ROCK2: variants seen among roughly 807,000 people sequenced by gnomAD.
ROCK2 encodes the protein rho-associated protein kinase 2.
In ROCK2, 61 loss-of-function variants were observed where a neutral mutation model predicts 195.1. The ratio of observed to expected loss-of-function variants is 0.31; its 90% CI spans 0.25 to 0.39. ROCK2 has a LOEUF of 0.39. ROCK2 is among the 10% of genes least tolerant of loss of function. The probability of loss-of-function intolerance (pLI) is 1.00; values close to 1 mark genes in which losing one functional copy is unlikely to be tolerated. For missense variants in ROCK2, 1,109 were observed against 1,637.4 expected (o/e 0.68, Z 5.57); for synonymous variants, 504 against 545.5 (o/e 0.92, Z 1.06).
At chr2:11,287,993 A>G (rs1667250880) in intron 1 of ROCK2, among the ~76,000 whole-genome samples, 1 of 152,316 alleles carries the variant, frequency 6.6e-6, no homozygotes, top group Non-Finnish European at 1.5e-5. Flanking sequence ...ACATGTATCT[A>G]TTATTATTTT....
At chr2:11,267,161 C>T (rs1666446519) in intron 3 of ROCK2, among the ~76,000 whole-genome samples, 1 of 152,152 alleles carries the variant, frequency 6.6e-6, no homozygotes, top group Admixed American at 6.5e-5. Flanking sequence ...AGAAACAATG[C>T]ATCTGTTTAA....
chr2:11,283,000 C>T (rs185944149), intron 3 of ROCK2, among the ~76,000 whole-genome samples: 1 of 152,292 alleles, frequency 6.6e-6, no homozygotes, highest in Admixed American at 6.5e-5. Context: ...GGCGTGGTGG[C>T]TCATGCCTAT....
At chr2:11,317,124 T>C (rs1262023777) in intron 1 of ROCK2, among the ~76,000 whole-genome samples, 3 of 152,092 alleles carry the variant, frequency 2.0e-5, no homozygotes, top group African/African-American at 7.2e-5. Flanking sequence ...AAAGCTTAAC[T>C]TTTCCTGCGA....
At chr2:11,314,275 T>A (rs531563002) in intron 1 of ROCK2, among the ~76,000 whole-genome samples, 1 of 151,702 alleles carries the variant, frequency 6.6e-6, no homozygotes, top group South Asian at 2.1e-4. Flanking sequence ...TGTTTTCTAA[T>A]TTGCTGCTCT....
intron 4 of ROCK2, among the ~76,000 whole-genome samples, chr2:11,240,884 G>A (rs192083631): frequency 4.5e-4 from 69 of 152,222 alleles, no homozygotes; most frequent in African/African-American, 1.6e-3. Context: ...AAACTTAAAT[G>A]TGCATGTTAA....
chr2:11,344,464 T>C lies in ROCK2; in HGVS notation c.-328A>G. The stretch of plus-strand genomic sequence containing the variant: ...GAGTCCTCGGGCGGGAGCAGGGAAG[T>C]GGCGCCGCCACCGCCGCGGCCCGGA... On this transcript the variant is annotated 5_prime_UTR_variant, in exon 1 of 33. Transcript: ENST00000315872. The surrounding 1 kb of genome is among the most constrained non-coding windows in gnomAD (Gnocchi z 5.4). 9.9e-7 allele frequency: 1 copy of C among 1,008,432 alleles called. No homozygotes were observed. 62.5% of individuals were successfully genotyped at this position (1,008,432 alleles called of 1,614,324 possible). A position where few individuals can be genotyped will look rare whatever the true frequency, so the allele number is the denominator to read the frequency against.
chr2:11,204,198 T>C (rs1178256733), intron 20 of ROCK2, among the ~76,000 whole-genome samples: 1 of 152,168 alleles, frequency 6.6e-6, no homozygotes, highest in Non-Finnish European at 1.5e-5. Context: ...TTTTAGATAT[T>C]ATTTGCCCAT....
At chr2:11,283,660 T>C (rs1195368475) in intron 3 of ROCK2, among the ~76,000 whole-genome samples, 1 of 151,958 alleles carries the variant, frequency 6.6e-6, no homozygotes, top group African/African-American at 2.4e-5. Context: ...CCACATCATA[T>C]GTCATCAGGG....
In ROCK2 at chr2:11,301,295, GGATACAA is replaced by G. The variant is rs764742061; in HGVS notation, c.142-13566_142-13560del. ...TATTCTCAAAAATTTTTCAATGATG[GGATACAA>G]GATTAAAACTTCAGAGGTCATAAAT... On this transcript the variant is annotated intron_variant, in intron 1 of 32. Transcript: ENST00000315872. Among the ~76,000 whole-genome samples the G allele has an allele frequency of 7.9e-4, 119 of 151,568 alleles. 1 individual carries two copies. Among genetic ancestry groups the G allele is most frequent in the Admixed American group, 3.0e-3 (45 of 15,222 alleles).
At chr2:11,326,072 A>G (rs1314058941) in intron 1 of ROCK2, among the ~76,000 whole-genome samples, 2 of 152,234 alleles carry the variant, frequency 1.3e-5, no homozygotes, top group Non-Finnish European at 2.9e-5. Context: ...GTTATCATTA[A>G]GTATCTGCAG....
intron 3 of ROCK2, among the ~76,000 whole-genome samples, chr2:11,272,141 C>T (rs1666657533): frequency 6.6e-6 from 1 of 151,744 alleles, no homozygotes; most frequent in South Asian, 2.1e-4. Flanking sequence ...GTTGTGTTTT[C>T]CCTAAACTGA....
intron 1 of ROCK2, among the ~76,000 whole-genome samples, chr2:11,309,121 G>A (rs1033191332): frequency 2.6e-5 from 4 of 150,980 alleles, no homozygotes; most frequent in Admixed American, 6.6e-5. Flanking sequence ...CATCACTGAT[G>A]TATAGGACTC....
chr2:11,194,723 A>T (rs988234984), intron 28 of ROCK2, among the ~76,000 whole-genome samples: 1 of 152,246 alleles, frequency 6.6e-6, no homozygotes, highest in African/African-American at 2.4e-5. Context: ...CAGCAAAAGT[A>T]TCAAAATCAA....
rs150306413 is a variant in ROCK2 at position 11,197,088 on chromosome 2, C to T, written c.3448+92G>A. On this transcript the variant is annotated intron_variant, in intron 27 of 32. Coordinates refer to ENST00000315872, the MANE Select transcript of ROCK2 (RefSeq NM_004850.5). The surrounding 1 kb of genome is among the most constrained non-coding windows in gnomAD (Gnocchi z 4.9). ...GGTTTTCCCTTAAAGAAATTACAAACATTTTTCCTTCAGAGCAGTCAGTCG... is the reference window on the plus strand; with the variant it reads ...GGTTTTCCCTTAAAGAAATTACAAATATTTTTCCTTCAGAGCAGTCAGTCG... 1.9e-3 allele frequency: 1,503 copies of T among 794,292 alleles called. 18 individuals carry two copies. The African/African-American group carries it at 0.025, about 13-fold the overall frequency. 49.2% of individuals were successfully genotyped at this position (794,292 alleles called of 1,614,324 possible).
chr2:11,312,830 G>A (rs1427361405), intron 1 of ROCK2, among the ~76,000 whole-genome samples: 1 of 151,994 alleles, frequency 6.6e-6, no homozygotes, highest in African/African-American at 2.4e-5. Context: ...AGACATGAAC[G>A]AAACTTAAAT....
chr2:11,203,574 C>T lies in ROCK2; in HGVS notation c.2550-1453G>A, dbSNP rs115547208. 8.9e-3 allele frequency among the ~76,000 whole-genome samples: 1,361 copies of T among 152,074 alleles called. 16 individuals carry two copies. Among genetic ancestry groups the T allele is most frequent in the African/African-American group, 0.031 (1,283 of 41,476 alleles). ...AATGCAGGAAGACTCAGAGGGAGCA[C>T]GTGATTTAACCCTAGTCTCTTCAGT... is the stretch of plus-strand genomic sequence containing the variant. On this transcript the variant is annotated intron_variant, in intron 20 of 32. Coordinates refer to ENST00000315872, the MANE Select transcript of ROCK2 (RefSeq NM_004850.5).
intron 18 of ROCK2, 117 bp downstream of exon 18, chr2:11,211,563 TC>T (rs1463051974): frequency 1.0e-6 from 1 of 978,298 alleles, no homozygotes; most frequent in Non-Finnish European, 1.4e-6. Flanking sequence ...TTTTTTTCCC[TC>T]CAATTCCCAA....
chr2:11,344,228 G>C lies in ROCK2; in HGVS notation c.-92C>G. 3 of 1,322,494 alleles carry C rather than the reference G, an allele frequency of 2.3e-6. No individual in the cohort carries two copies. The highest frequency in any genetic ancestry group is 3.2e-5 in the East Asian group (1 of 31,666). The allele number at this position is 1,322,494 out of a possible 1,614,324, so 81.9% of individuals were successfully genotyped here. A position where few individuals can be genotyped will look rare whatever the true frequency, so the allele number is the denominator to read the frequency against. Reference sequence around the variant, plus strand: ...CGCCCCCGAACCACCAGCTCCGGCCGGGACTCCACCCGGGCCCACCGCCTG... The same window carrying C: ...CGCCCCCGAACCACCAGCTCCGGCCCGGACTCCACCCGGGCCCACCGCCTG... On this transcript the variant is annotated 5_prime_UTR_variant, in exon 1 of 33. Coordinates refer to ENST00000315872, the MANE Select transcript of ROCK2 (RefSeq NM_004850.5). This position sits in a 1 kb window ranked among gnomAD's most constrained non-coding sequence, Gnocchi z 5.4.
chr2:11,278,892 G>A (rs1035647859), intron 3 of ROCK2, among the ~76,000 whole-genome samples: 4 of 152,028 alleles, frequency 2.6e-5, no homozygotes, highest in African/African-American at 9.7e-5. Flanking sequence ...GAGATTATAG[G>A]CATTAGCCAC....
Sources: allele counts gnomAD v4.1 joint callset (sites outside exome capture counted in the v4.1 genomes callset), GRCh38; gene constraint gnomAD v4.1.1; non-coding constraint Gnocchi (gnomAD v3.1); transcripts MANE v1.5; gene names NCBI Gene and HGNC (gene_info 2026-07-23, HGNC 2026-07-21).